CDIN1: variants seen among roughly 807,000 people sequenced by gnomAD.
CDIN1 encodes CDAN1-interacting nuclease 1.
In CDIN1, 33 loss-of-function variants were observed where a neutral mutation model predicts 45.3. The ratio of observed to expected loss-of-function variants is 0.73; its 90% confidence interval spans 0.55 to 0.97. The LOEUF (loss-of-function observed/expected upper bound fraction) is 0.97. Among genes scored for constraint, CDIN1 ranks in the 50% least tolerant of loss-of-function variants. The pLI is 0.00. For missense variants in CDIN1, 303 were observed against 339.4 expected (o/e 0.89, Z 0.84); for synonymous variants, 118 against 124.4 (o/e 0.95, Z 0.34).
chr15:36,689,785 CA>C (rs2042178216), intron 5 of CDIN1, among the ~76,000 whole-genome samples: 1 of 152,116 alleles, frequency 6.6e-6, no homozygotes, highest in South Asian at 2.1e-4. Flanking sequence ...TAATTGCTTT[CA>C]GAAATAATTG....
In CDIN1 at chr15:36,654,534, T is replaced by C. The variant is rs1463126529; in HGVS notation, c.273+376T>C. ...ATGCCAAAAAAAAAAAAAAAAAAAC[T>C]GCTGTTATAAAAATGAAGAGAGAAA... On this transcript the variant is annotated intron_variant, in intron 4 of 10. Transcript: ENST00000566621. 2.3e-5 allele frequency among the ~76,000 whole-genome samples: 3 copies of C among 129,936 alleles called. No individual in the cohort carries two copies. The South Asian group carries it at 7.2e-4, about 31-fold the overall frequency. 85.2% of individuals were successfully genotyped at this position (129,936 alleles called of 152,430 possible). A position where few individuals can be genotyped will look rare whatever the true frequency, so the allele number is the denominator to read the frequency against.
intron 5 of CDIN1, among the ~76,000 whole-genome samples, chr15:36,663,443 C>T (rs956830776): frequency 5.3e-5 from 8 of 152,138 alleles, no homozygotes; most frequent in African/African-American, 1.7e-4. Context: ...GTAATCCCCA[C>T]GTGTTGTGGA....
chr15:36,632,669 A>G (rs2039729217), intron 1 of CDIN1, among the ~76,000 whole-genome samples: 1 of 152,186 alleles, frequency 6.6e-6, no homozygotes, highest in Admixed American at 6.5e-5. Context: ...TCTTCTGCTA[A>G]TCAATTGTCA....
intron 10 of CDIN1, among the ~76,000 whole-genome samples, chr15:36,759,214 G>A (rs73383663): frequency 0.02 from 3,001 of 152,140 alleles, 111 homozygotes; most frequent in African/African-American, 0.07. Context: ...GAAGGAGTAA[G>A]AGGAGAGGCG....
intron 10 of CDIN1, among the ~76,000 whole-genome samples, chr15:36,795,442 G>T (rs2054769908): frequency 6.6e-6 from 1 of 151,984 alleles, no homozygotes; most frequent in Non-Finnish European, 1.5e-5. Context: ...TTAAGTTTTT[G>T]GTCTAATAGG....
chr15:36,790,551 A>C (rs1029880115), intron 10 of CDIN1, among the ~76,000 whole-genome samples: 1 of 152,198 alleles, frequency 6.6e-6, no homozygotes, highest in African/African-American at 2.4e-5. Flanking sequence ...ACACATAGAA[A>C]GAAATACTTG....
intron 5 of CDIN1, among the ~76,000 whole-genome samples, chr15:36,675,915 C>T (rs898432640): frequency 6.6e-5 from 10 of 152,036 alleles, no homozygotes; most frequent in Non-Finnish European, 2.9e-5. Flanking sequence ...ACCTCGCCTT[C>T]GTTGCATAGG....
chr15:36,712,260 CTTTTTTTTT>C (rs780494427), intron 10 of CDIN1, among the ~76,000 whole-genome samples: 1 of 77,370 alleles, frequency 1.3e-5, no homozygotes, highest in Middle Eastern at 0.015. Context: ...TAGACTAATG[CTTTTTTTTT>C]TTTTTTTTTT....
At chr15:36,671,776 C>T (rs2041461797) in intron 5 of CDIN1, among the ~76,000 whole-genome samples, 1 of 152,108 alleles carries the variant, frequency 6.6e-6, no homozygotes, top group Non-Finnish European at 1.5e-5. Context: ...TACTGTTCCT[C>T]TTACAATTGT....
chr15:36,685,909 A>G (rs1221123269), intron 5 of CDIN1, among the ~76,000 whole-genome samples: 4 of 152,068 alleles, frequency 2.6e-5, no homozygotes, highest in East Asian at 3.9e-4. Context: ...GTCAGGAAAC[A>G]ACAGGTGCTG....
At chr15:36,694,585 G>A (rs563919009) in intron 7 of CDIN1, among the ~76,000 whole-genome samples, 1 of 150,658 alleles carries the variant, frequency 6.6e-6, no homozygotes, top group East Asian at 1.9e-4. Context: ...CTTTTTTTTT[G>A]TTATCTACTG....
chr15:36,773,193 C>T (rs911110109), intron 10 of CDIN1, among the ~76,000 whole-genome samples: 7 of 152,146 alleles, frequency 4.6e-5, no homozygotes, highest in African/African-American at 1.7e-4. Context: ...ACTGAGATTT[C>T]TCTCCACTCT....
intron 10 of CDIN1, among the ~76,000 whole-genome samples, chr15:36,803,044 A>T (rs1038456974): frequency 3.9e-5 from 6 of 151,978 alleles, no homozygotes; most frequent in African/African-American, 1.2e-4. Context: ...AACACCAAAC[A>T]GCCAGGGACT....
At chr15:36,749,382 C>T (rs2053396287) in intron 10 of CDIN1, among the ~76,000 whole-genome samples, 1 of 152,184 alleles carries the variant, frequency 6.6e-6, no homozygotes, top group African/African-American at 2.4e-5. Flanking sequence ...ATGCCCTGCC[C>T]TGGATTCACC....
chr15:36,794,665 A>G (rs1392561897), intron 10 of CDIN1, among the ~76,000 whole-genome samples: 1 of 152,196 alleles, frequency 6.6e-6, no homozygotes, highest in Non-Finnish European at 1.5e-5. Context: ...ATTCCATTGT[A>G]CATGTATATT....
At chr15:36,699,755 C>T (rs1297055990) in intron 8 of CDIN1, among the ~76,000 whole-genome samples, 2 of 152,104 alleles carry the variant, frequency 1.3e-5, no homozygotes, top group African/African-American at 4.8e-5. Context: ...TCTTAAATGT[C>T]CTTGGTTCAT....
intron 1 of CDIN1, among the ~76,000 whole-genome samples, chr15:36,603,335 G>GT (rs1388324954): frequency 6.6e-6 from 1 of 152,166 alleles, no homozygotes; most frequent in Non-Finnish European, 1.5e-5. Flanking sequence ...AAGAAGAAAA[G>GT]TAAAGGGTTA....
chr15:36,618,896 C>G, intron 1 of CDIN1: 1 of 1,221,830 alleles, frequency 8.2e-7, no homozygotes, highest in Non-Finnish European at 1.2e-6. Flanking sequence ...ACCATGTAAT[C>G]GTAACATAAA....
intron 5 of CDIN1, among the ~76,000 whole-genome samples, chr15:36,683,017 TA>T (rs981893163): frequency 5.3e-5 from 8 of 152,158 alleles, no homozygotes; most frequent in African/African-American, 1.9e-4. Flanking sequence ...CTGAGTGATG[TA>T]TTAGAGGGAG....
Sources: allele counts gnomAD v4.1 joint callset (sites outside exome capture counted in the v4.1 genomes callset), GRCh38; gene constraint gnomAD v4.1.1; transcripts MANE v1.5; gene names NCBI Gene and HGNC (gene_info 2026-07-23, HGNC 2026-07-21).